CSMD3: variants seen among roughly 807,000 people sequenced by gnomAD.
The protein encoded by CSMD3 is CUB and Sushi multiple domains 3, also known as CUB and sushi domain-containing protein 3.
A neutral mutation model predicts 435.2 loss-of-function variants in CSMD3; 177 were observed. The ratio of observed to expected loss-of-function variants is 0.41; its 90% CI spans 0.36 to 0.46. The LOEUF is 0.46. CSMD3 is among the 20% of genes least tolerant of loss of function. The probability of loss-of-function intolerance (pLI) is 0.34; values close to 1 mark genes in which losing one functional copy is unlikely to be tolerated. For synonymous variants in CSMD3, 1,656 were observed against 1,520.5 expected (o/e 1.09, Z -2.07); for missense variants, 4,265 against 4,504.6 (o/e 0.95, Z 1.52).
At chr8:112,434,223 C>A (rs1038182527) in intron 32 of CSMD3, among the ~76,000 whole-genome samples, 2 of 152,124 alleles carry the variant, frequency 1.3e-5, no homozygotes, top group African/African-American at 4.8e-5. Context: ...TGAAATAAGA[C>A]TACCTTATTC....
intron 32 of CSMD3, among the ~76,000 whole-genome samples, chr8:112,463,865 T>C (rs1396056783): frequency 6.6e-6 from 1 of 152,092 alleles, no homozygotes; most frequent in Non-Finnish European, 1.5e-5. Context: ...GGATGGTGGA[T>C]TGTGAGAAAG....
At chr8:112,866,704 A>G (rs910707571) in intron 10 of CSMD3, among the ~76,000 whole-genome samples, 1 of 152,136 alleles carries the variant, frequency 6.6e-6, no homozygotes, top group African/African-American at 2.4e-5. Flanking sequence ...AGGATGAATA[A>G]TCATAGTGTC....
chr8:112,417,425 T>C (rs1262013592), intron 32 of CSMD3, among the ~76,000 whole-genome samples: 1 of 152,176 alleles, frequency 6.6e-6, no homozygotes, highest in Admixed American at 6.5e-5. Flanking sequence ...GAAGCAGTAA[T>C]AAATGTTAGT....
At chr8:113,379,307 C>G (rs1027242437) in intron 1 of CSMD3, among the ~76,000 whole-genome samples, 2 of 152,054 alleles carry the variant, frequency 1.3e-5, no homozygotes, top group African/African-American at 4.8e-5. Context: ...AACACACACA[C>G]ACATTCTGAG....
chr8:113,389,426 A>G (rs2094452547), intron 1 of CSMD3, among the ~76,000 whole-genome samples: 1 of 151,604 alleles, frequency 6.6e-6, no homozygotes, highest in South Asian at 2.1e-4. Context: ...CTTTCCCACA[A>G]AATATTAATG....
intron 1 of CSMD3, among the ~76,000 whole-genome samples, chr8:113,428,815 G>T (rs928691835): frequency 6.6e-6 from 1 of 151,578 alleles, no homozygotes; most frequent in African/African-American, 2.4e-5. Flanking sequence ...TAGTTATTTG[G>T]GATAAAATAA....
At chr8:112,325,555 G>A (rs1352206843) in intron 45 of CSMD3, among the ~76,000 whole-genome samples, 1 of 152,006 alleles carries the variant, frequency 6.6e-6, no homozygotes, top group African/African-American at 2.4e-5. Flanking sequence ...TAACTCTTTA[G>A]GGCATAATCC....
intron 11 of CSMD3, among the ~76,000 whole-genome samples, chr8:112,856,796 G>T (rs1249402703): frequency 6.6e-6 from 1 of 151,826 alleles, no homozygotes; most frequent in African/African-American, 2.4e-5. Context: ...AATTATAAAT[G>T]TAGAGGTATT....
chr8:112,408,837 T>C, intron 33 of CSMD3, 82 bp downstream of exon 33: 6 of 1,607,242 alleles, frequency 3.7e-6, no homozygotes, highest in Non-Finnish European at 5.1e-6. Context: ...ATTGATGATA[T>C]AAATCTCAAC....
At chr8:112,885,573 G>T (rs2081567205) in intron 10 of CSMD3, among the ~76,000 whole-genome samples, 1 of 151,590 alleles carries the variant, frequency 6.6e-6, no homozygotes, top group Non-Finnish European at 1.5e-5. Context: ...GTGGATATGA[G>T]ATTCAAACCC....
At chr8:112,766,241 A>G (rs2077975828) in intron 13 of CSMD3, among the ~76,000 whole-genome samples, 1 of 151,874 alleles carries the variant, frequency 6.6e-6, no homozygotes, top group East Asian at 1.9e-4. Flanking sequence ...ATGTTTCTCC[A>G]TACTGAAAAA....
chr8:112,786,076 C>T (rs2078530931), intron 13 of CSMD3, among the ~76,000 whole-genome samples: 1 of 151,984 alleles, frequency 6.6e-6, no homozygotes, highest in African/African-American at 2.4e-5. Flanking sequence ...GCAATAAAAA[C>T]AGACACACAG....
chr8:113,215,931 G>C (rs1434186987), intron 3 of CSMD3, among the ~76,000 whole-genome samples: 2 of 151,598 alleles, frequency 1.3e-5, no homozygotes, highest in Non-Finnish European at 2.9e-5. Context: ...AATTTGGTAG[G>C]AAAAAGATAT....
chr8:113,127,262 CA>C (rs1301218120), intron 4 of CSMD3, among the ~76,000 whole-genome samples: 1 of 152,044 alleles, frequency 6.6e-6, no homozygotes, highest in African/African-American at 2.4e-5. Flanking sequence ...CATATATTCA[CA>C]ATCACCTGTC....
intron 10 of CSMD3, among the ~76,000 whole-genome samples, chr8:112,911,212 A>G (rs949072437): frequency 2.6e-5 from 4 of 151,810 alleles, no homozygotes; most frequent in African/African-American, 9.7e-5. Context: ...TCTCTCTCAA[A>G]CCATATGACA....
rs1046980414 is a variant in CSMD3, at chr8:113,262,019, G to C, written c.514+16573C>G. On this transcript the variant is annotated intron_variant, in intron 3 of 70. Coordinates refer to ENST00000297405, the MANE Select transcript of CSMD3 (RefSeq NM_198123.2). ...TCTGAGTGATAAAGCCAGCATTAAA[G>C]GTCATGTCTTTTGACACCCTGTTAG... Among the ~76,000 whole-genome samples, 8 of 151,918 alleles carry C rather than the reference G, an allele frequency of 5.3e-5. No individual in the cohort carries two copies. In the East Asian group the frequency reaches 1.3e-3, roughly 26 times the overall value.
chr8:113,069,879 C>A (rs2089028868), intron 5 of CSMD3, among the ~76,000 whole-genome samples: 2 of 152,160 alleles, frequency 1.3e-5, no homozygotes, highest in South Asian at 4.2e-4. Flanking sequence ...ACTGCACAGA[C>A]AAAATAGCAA....
chr8:113,273,734 T>C (rs1369942216), intron 3 of CSMD3, among the ~76,000 whole-genome samples: 1 of 152,164 alleles, frequency 6.6e-6, no homozygotes, highest in African/African-American at 2.4e-5. Context: ...CCTGATTTAA[T>C]GGATCTCATT....
At chr8:112,937,573 A>G (rs1255844955) in intron 9 of CSMD3, among the ~76,000 whole-genome samples, 1 of 150,678 alleles carries the variant, frequency 6.6e-6, no homozygotes, top group Non-Finnish European at 1.5e-5. Flanking sequence ...CTGGTCTTGA[A>G]CTCCTGACCT....
Sources: gnomAD v4.1 joint callset for allele counts (sites outside exome capture counted in the v4.1 genomes callset) on GRCh38, gnomAD v4.1.1 for gene constraint, MANE v1.5 for transcripts, NCBI Gene and HGNC (gene_info 2026-07-23, HGNC 2026-07-21) for gene names.